Variants in LINC00305 observed in about 807,000 individuals in gnomAD.
LINC00305 encodes long intergenic non-protein coding RNA 305.
chr18:64,120,150 A>C (rs906603768), intron 1 of LINC00305, among the ~76,000 whole-genome samples: 2 of 152,130 alleles, frequency 1.3e-5, no homozygotes, highest in Non-Finnish European at 2.9e-5. Context: ...CAGAGTAAAT[A>C]ATAAAAGCTT....
chr18:64,084,378 C>T (rs1236714686), intron 3 of LINC00305, among the ~76,000 whole-genome samples: 2 of 151,918 alleles, frequency 1.3e-5, no homozygotes, highest in African/African-American at 2.4e-5. Context: ...TACAACAAAC[C>T]CCCGTGACAC....
chr18:64,083,871 C>G lies in LINC00305; in HGVS notation n.541-3469G>C, dbSNP rs576075096. On this transcript the variant is annotated intron_variant and non_coding_transcript_variant, in intron 3 of 3. Transcript: ENST00000666468. ...AGGATTTGTATTTAGCAATTTGAAT[C>G]TGACTCGAATGTCATTACCTAAGAA... 2.0e-4 allele frequency among the ~76,000 whole-genome samples: 31 copies of G among 152,336 alleles called. No individual in the cohort carries two copies. In the South Asian group the frequency reaches 6.4e-3, roughly 32 times the overall value.
chr18:64,100,477 G>A (rs1003231307), intron 1 of LINC00305, among the ~76,000 whole-genome samples: 5 of 152,136 alleles, frequency 3.3e-5, no homozygotes, highest in African/African-American at 1.2e-4. Flanking sequence ...AGCAGTCAGG[G>A]CCAGGATTGT....
intron 1 of LINC00305, among the ~76,000 whole-genome samples, chr18:64,130,274 T>C (rs1007621242): frequency 6.6e-6 from 1 of 152,198 alleles, no homozygotes; most frequent in African/African-American, 2.4e-5. Context: ...CAAGGCTTTA[T>C]ACATAATATG....
chr18:64,143,145 A>T (rs1300951554), intron 1 of LINC00305, among the ~76,000 whole-genome samples: 1 of 152,144 alleles, frequency 6.6e-6, no homozygotes, highest in Non-Finnish European at 1.5e-5. Context: ...GGAGCTGAAG[A>T]AATGTATCTG....
Position 64,114,313 on chromosome 18 carries a change from A to G in LINC00305, n.315-15673T>C, listed in dbSNP as rs893353210. ...TTCCAAAGAGGTTCTCCCTGCCTGT[A>G]TATTTAGGAATGTCTTCTGAATTCT... is the stretch of plus-strand genomic sequence containing the variant. On this transcript the variant is annotated intron_variant and non_coding_transcript_variant, in intron 1 of 3. Coordinates refer to ENST00000666468, the Ensembl canonical transcript of LINC00305. Among the ~76,000 whole-genome samples the G allele has an allele frequency of 4.6e-5, 7 of 152,256 alleles. No individual in the cohort carries two copies. The South Asian group carries it at 1.0e-3, about 23-fold the overall frequency.
At chr18:64,119,935 T>C (rs1355194293) in intron 1 of LINC00305, among the ~76,000 whole-genome samples, 1 of 152,134 alleles carries the variant, frequency 6.6e-6, no homozygotes, top group Non-Finnish European at 1.5e-5. Context: ...TTGACAGTGA[T>C]GCTTCTTGTC....
chr18:64,087,570 T>A (rs1329429588), intron 3 of LINC00305, among the ~76,000 whole-genome samples: 1 of 152,186 alleles, frequency 6.6e-6, no homozygotes, highest in African/African-American at 2.4e-5. Context: ...GATATAACAT[T>A]TTTGAAATAT....
intron 1 of LINC00305, among the ~76,000 whole-genome samples, chr18:64,117,280 A>G (rs563691817): frequency 1.3e-5 from 2 of 152,320 alleles, no homozygotes; most frequent in South Asian, 4.1e-4. Context: ...TTAGACAGCA[A>G]CTAAGTGACC....
intron 1 of LINC00305, among the ~76,000 whole-genome samples, chr18:64,110,178 T>C (rs79026889): frequency 0.012 from 1,842 of 152,316 alleles, 33 homozygotes; most frequent in African/African-American, 0.043. Flanking sequence ...CTGAGAGGCC[T>C]TCTGGTCCCA....
At position 64,108,331 on chromosome 18, in the gene LINC00305, A is replaced by G. The variant is rs2051300315; in HGVS notation, n.315-9691T>C. The stretch of plus-strand genomic sequence containing the variant: ...GAAAATGAGAGAGAAGGGGAATCAT[A>G]AAAGAAAGAAGTGCAACACATGAGT... On this transcript the variant is annotated intron_variant and non_coding_transcript_variant, in intron 1 of 3. Coordinates refer to ENST00000666468, the Ensembl canonical transcript of LINC00305. 5.9e-5 allele frequency among the ~76,000 whole-genome samples: 9 copies of G among 152,336 alleles called. No homozygotes were observed. The South Asian group carries it at 1.9e-3, about 32-fold the overall frequency.
At chr18:64,119,452 C>T (rs923764057) in intron 1 of LINC00305, among the ~76,000 whole-genome samples, 4 of 152,068 alleles carry the variant, frequency 2.6e-5, no homozygotes, top group Non-Finnish European at 4.4e-5. Flanking sequence ...AAAGTTATAT[C>T]TAATTAATTG....
intron 1 of LINC00305, among the ~76,000 whole-genome samples, chr18:64,106,442 C>T (rs574472054): frequency 1.3e-5 from 2 of 152,250 alleles, no homozygotes; most frequent in East Asian, 3.9e-4. Flanking sequence ...TTGTCACCAC[C>T]TAGAAGCTTC....
At chr18:64,110,541 G>A (rs2051310788) in intron 1 of LINC00305, among the ~76,000 whole-genome samples, 1 of 152,144 alleles carries the variant, frequency 6.6e-6, no homozygotes, top group Non-Finnish European at 1.5e-5. Flanking sequence ...GTATAAATGG[G>A]ACATTTTTTG....
At chr18:64,108,500 G>T (rs1227776544) in intron 1 of LINC00305, among the ~76,000 whole-genome samples, 1 of 152,172 alleles carries the variant, frequency 6.6e-6, no homozygotes, top group African/African-American at 2.4e-5. Flanking sequence ...CTGCTGTTTT[G>T]GAGCCAAGGA....
chr18:64,089,696 T>C (rs1480461986), intron 3 of LINC00305, among the ~76,000 whole-genome samples: 1 of 152,194 alleles, frequency 6.6e-6, no homozygotes, highest in East Asian at 1.9e-4. Flanking sequence ...AAGAGAGGTT[T>C]AGTGGACTTA....
rs189404110 is a variant in LINC00305 at position 64,141,693 on chromosome 18, A to G, written n.314+7082T>C. 2.0e-4 allele frequency among the ~76,000 whole-genome samples: 30 copies of G among 152,334 alleles called. No individual in the cohort carries two copies. The East Asian group carries it at 5.4e-3, about 27-fold the overall frequency. ...AAATATGATAACTCAACTCTCTTGT[A>G]TGTACTGGAACTATTGTCCTTAGAA... On this transcript the variant is annotated intron_variant and non_coding_transcript_variant, in intron 1 of 3. Transcript: ENST00000666468.
Position 64,134,242 on chromosome 18 carries a change from A to G in LINC00305, n.314+14533T>C, listed in dbSNP as rs79394081. ...AACCCTGGCAAACAAGAATAGCAGG[A>G]AAACAAGGAAGTTGTCTACAGCTGG... On this transcript the variant is annotated intron_variant and non_coding_transcript_variant, in intron 1 of 3. Coordinates refer to ENST00000666468, the Ensembl canonical transcript of LINC00305. Among the ~76,000 whole-genome samples the G allele has an allele frequency of 2.8e-3, 432 of 152,308 alleles. 3 individuals are homozygous for G. Among genetic ancestry groups the G allele is most frequent in the African/African-American group, 9.8e-3 (409 of 41,570 alleles).
chr18:64,103,918 T>G (rs1459622866), intron 1 of LINC00305, among the ~76,000 whole-genome samples: 3 of 152,206 alleles, frequency 2.0e-5, no homozygotes, highest in African/African-American at 7.2e-5. Flanking sequence ...CAGAAAGCAC[T>G]GTGAAGTTTT....
Sources: allele counts gnomAD v4.1 joint callset (sites outside exome capture counted in the v4.1 genomes callset), GRCh38; gene constraint gnomAD v4.1.1; transcripts MANE v1.5; gene names NCBI Gene and HGNC (gene_info 2026-07-23, HGNC 2026-07-21).